PLXNA4: variants seen among roughly 807,000 people sequenced by gnomAD.
The protein encoded by PLXNA4 is plexin A4.
PLXNA4 carries 44 observed loss-of-function variants against 191.8 expected under a neutral mutation model. The ratio of observed to expected loss-of-function variants is 0.23; its 90% CI spans 0.18 to 0.29. The LOEUF is 0.29. Ranked by LOEUF, PLXNA4 falls within the 10% of genes least tolerant of loss-of-function variation. PLXNA4 has a pLI of 1.00. For synonymous variants in PLXNA4, 1,082 were observed against 1,009.5 expected, an observed-to-expected ratio of 1.07 and a Z score of -1.36; for missense variants, 1,800 against 2,488.8, an observed-to-expected ratio of 0.72 and a Z score of 5.89.
chr7:132,380,067 T>A (rs972464909), intron 3 of PLXNA4, among the ~76,000 whole-genome samples: 7 of 152,218 alleles, frequency 4.6e-5, no homozygotes, highest in African/African-American at 1.7e-4. Context: ...GTTGGCTTAT[T>A]TATGGCTTGA....
At chr7:132,240,754 A>G (rs964510149) in intron 5 of PLXNA4, among the ~76,000 whole-genome samples, 1 of 152,196 alleles carries the variant, frequency 6.6e-6, no homozygotes. Flanking sequence ...CACAGTCAGG[A>G]AAGTCCAGGA....
At position 132,145,195 on chromosome 7, in the gene PLXNA4, A is replaced by T. The variant is rs1795384119; in HGVS notation, c.5149T>A (p.Phe1717Ile). Reference protein sequence around the residue: ...SALPLAIKYMFDFLDEQADKH... With the variant: ...SALPLAIKYMIDFLDEQADKH... The stretch of plus-strand genomic sequence containing the variant: ...TCAGCCTGCTCATCCAGGAAGTCAA[A>T]CATGTACTTGATGGCCAGGGGCAGG... Residue 1717 changes from phenylalanine (F) to isoleucine (I), a missense_variant, in exon 29 of 32, where the codon TTT becomes ATT. This residue lies in a region of PLXNA4 where 101 missense variants were observed against 182.8 expected (regional missense o/e 0.55). Transcript: ENST00000321063. The T allele has an allele frequency of 1.9e-6, 3 of 1,614,200 alleles. No individual in the cohort carries two copies. The highest frequency in any genetic ancestry group is 2.5e-6 in the Non-Finnish European group (3 of 1,180,036).
chr7:132,170,241 C>T (rs562774755), intron 21 of PLXNA4, among the ~76,000 whole-genome samples: 1 of 152,174 alleles, frequency 6.6e-6, no homozygotes, highest in Non-Finnish European at 1.5e-5. Flanking sequence ...AAATACTGAC[C>T]CACTTAATGC....
At chr7:132,418,398 A>C (rs1794735969) in intron 3 of PLXNA4, among the ~76,000 whole-genome samples, 1 of 152,182 alleles carries the variant, frequency 6.6e-6, no homozygotes, top group African/African-American at 2.4e-5. Flanking sequence ...TTTCTGCTGA[A>C]CATAGTTCCT....
upstream of PLXNA4, among the ~76,000 whole-genome samples, chr7:132,581,629 G>A (rs1179452913): frequency 1.3e-5 from 2 of 152,128 alleles, no homozygotes; most frequent in African/African-American, 4.8e-5. Context: ...ACCTCCACCC[G>A]GCTGCACTGC....
At chr7:132,224,722 GC>G (rs1798256180) in intron 8 of PLXNA4, among the ~76,000 whole-genome samples, 2 of 152,216 alleles carry the variant, frequency 1.3e-5, no homozygotes, top group Admixed American at 1.3e-4. Flanking sequence ...GGACAGCTTT[GC>G]CGCAAGAGGC....
intron 2 of PLXNA4, among the ~76,000 whole-genome samples, chr7:132,622,104 T>C (rs1803279624): frequency 6.6e-6 from 1 of 152,104 alleles, no homozygotes; most frequent in Non-Finnish European, 1.5e-5. Flanking sequence ...GAAATGTAAA[T>C]GGAGTGATGT....
chr7:132,482,341 A>T (rs1797373154), intron 3 of PLXNA4, among the ~76,000 whole-genome samples: 1 of 151,990 alleles, frequency 6.6e-6, no homozygotes, highest in Non-Finnish European at 1.5e-5. Context: ...CTGCTGCTGC[A>T]CTCCTTGTTG....
chr7:132,210,794 T>G (rs1233485427), intron 10 of PLXNA4, 149 bp downstream of exon 10: 20 of 864,570 alleles, frequency 2.3e-5, no homozygotes, highest in Non-Finnish European at 3.4e-5. Flanking sequence ...GGCTGGGATG[T>G]GCCAGCAGGC....
upstream of PLXNA4, among the ~76,000 whole-genome samples, chr7:132,577,676 A>T (rs1802313442): frequency 6.6e-6 from 1 of 151,836 alleles, no homozygotes; most frequent in East Asian, 2.0e-4. Context: ...GGGCGGAGAG[A>T]GGGGCATACA....
intron 3 of PLXNA4, among the ~76,000 whole-genome samples, chr7:132,356,703 G>A (rs568765799): frequency 2.6e-4 from 40 of 152,328 alleles, no homozygotes; most frequent in Non-Finnish European, 3.5e-4. Context: ...AGGCAATATT[G>A]GTTCCCTCTA....
At chr7:132,487,032 C>CA (rs2117513912) in intron 3 of PLXNA4, among the ~76,000 whole-genome samples, 1 of 152,340 alleles carries the variant, frequency 6.6e-6, no homozygotes, top group Non-Finnish European at 1.5e-5. Flanking sequence ...ACAAACAGCA[C>CA]AAAAATGCAA....
intron 30 of PLXNA4, among the ~76,000 whole-genome samples, chr7:132,136,064 C>T (rs942616480): frequency 6.6e-6 from 1 of 152,148 alleles, no homozygotes; most frequent in Non-Finnish European, 1.5e-5. Context: ...TAAGTGGTCC[C>T]ATCTTCTCTG....
chr7:132,289,888 T>C (rs1800822900), intron 4 of PLXNA4, among the ~76,000 whole-genome samples: 1 of 152,084 alleles, frequency 6.6e-6, no homozygotes, highest in Non-Finnish European at 1.5e-5. Context: ...CAGGTTGATC[T>C]CTGTTTCCTA....
chr7:132,568,250 G>A (rs900360619), intron 1 of PLXNA4, among the ~76,000 whole-genome samples: 2 of 152,170 alleles, frequency 1.3e-5, no homozygotes, highest in Non-Finnish European at 2.9e-5. Flanking sequence ...CCCAGCAGCC[G>A]TGCCATCCCT....
chr7:132,200,442 GTCC>G (rs762054178), intron 12 of PLXNA4, among the ~76,000 whole-genome samples: 3 of 152,174 alleles, frequency 2.0e-5, no homozygotes, highest in Non-Finnish European at 2.9e-5. Context: ...AGGTCCACCT[GTCC>G]TCCTATTCCA....
chr7:132,159,894 C>T (rs1795897401), intron 24 of PLXNA4, among the ~76,000 whole-genome samples: 1 of 152,220 alleles, frequency 6.6e-6, no homozygotes. Flanking sequence ...GAACAAACTT[C>T]ATTAAAATCC....
chr7:132,181,393 G>A lies in PLXNA4; in HGVS notation c.3480C>T (p.Pro1160=), dbSNP rs1233270598. 4 of 1,600,716 alleles carry A rather than the reference G, an allele frequency of 2.5e-6. No individual in the cohort carries two copies. Among genetic ancestry groups the A allele is most frequent in the Non-Finnish European group, 1.7e-6 (2 of 1,171,880 alleles). Residue 1160 remains proline, a synonymous_variant, in exon 18 of 32, where the codon CCC becomes CCT. Coordinates refer to ENST00000321063, the MANE Select transcript of PLXNA4 (RefSeq NM_020911.2). The part of the protein sequence containing the change: ...SGILELKPGT[P]IILKGKNLIP... ...ACCCTCACTCCACCTTTAGGATGATGGGCGTGCCAGGCTTGAGCTCCAGGA... is the reference window on the plus strand; with the variant it reads ...ACCCTCACTCCACCTTTAGGATGATAGGCGTGCCAGGCTTGAGCTCCAGGA...
intron 3 of PLXNA4, among the ~76,000 whole-genome samples, chr7:132,467,868 G>A (rs1040505862): frequency 2.0e-5 from 3 of 152,196 alleles, no homozygotes; most frequent in Non-Finnish European, 4.4e-5. Flanking sequence ...TTGGCTGTGG[G>A]ATCCTTTTGC....
Sources: gnomAD v4.1 joint callset for allele counts (sites outside exome capture counted in the v4.1 genomes callset) on GRCh38, gnomAD v4.1.1 for gene constraint, gnomAD v4.1.1 regional missense constraint, MANE v1.5 for transcripts, NCBI Gene and HGNC (gene_info 2026-07-23, HGNC 2026-07-21) for gene names.